DNMBP: variants seen among roughly 807,000 people sequenced by gnomAD.
The protein encoded by DNMBP is dynamin binding protein.
Under a neutral mutation model 150.0 loss-of-function variants are expected in DNMBP, and 87 were observed. The observed-to-expected ratio is 0.58, with a 90% confidence interval of 0.49 to 0.69. DNMBP has a LOEUF of 0.69. DNMBP is among the 30% of genes least tolerant of loss of function. The pLI, the probability that DNMBP is intolerant of heterozygous loss-of-function variation, is 0.00. For missense variants in DNMBP, 1,774 were observed against 1,949.0 expected (o/e 0.91, Z 1.69); for synonymous variants, 711 against 750.4 (o/e 0.95, Z 0.86).
Position 99,955,783 on chromosome 10 carries a change from G to A in DNMBP, c.1691C>T (p.Ala564Val), listed in dbSNP as rs780904934. 1 of 1,614,210 alleles carries A rather than the reference G, an allele frequency of 6.2e-7. No homozygotes were observed. The highest frequency in any genetic ancestry group is 2.2e-5 in the East Asian group (1 of 44,888). ...TTTATCTGGCTCTGTGCCGGGCCCT[G>A]CCAAGCTCTTCTCAAACTCGATCAG... is the stretch of plus-strand genomic sequence containing the variant. ...QQLIEFEKSLAGPGTEPDKIL... is the reference protein window; with the variant it reads ...QQLIEFEKSLVGPGTEPDKIL... Residue 564 changes from alanine (A) to valine (V), a missense_variant, in exon 4 of 17, where the codon GCA (alanine) becomes GTA (valine). Physicochemically the swap from Ala to Val is moderately conservative, Grantham distance 64 (BLOSUM62 0). Around this residue, in one of 2 missense-constraint regions of DNMBP, gnomAD observed 1,430 missense variants for 1,492.5 expected, o/e 0.96. Transcript: ENST00000324109.
intron 13 of DNMBP, among the ~76,000 whole-genome samples, chr10:99,886,091 T>C (rs905827265): frequency 2.0e-5 from 3 of 152,194 alleles, no homozygotes; most frequent in African/African-American, 7.2e-5. Flanking sequence ...GGCTGGCTCT[T>C]CTGGGAACTG....
chr10:100,007,542 A>C (rs967869129), intron 1 of DNMBP, among the ~76,000 whole-genome samples: 2 of 151,970 alleles, frequency 1.3e-5, no homozygotes, highest in Admixed American at 1.3e-4. Context: ...CAGACTCCTC[A>C]CACAATGCCC....
At chr10:99,890,104 G>A (rs1194880784) in intron 11 of DNMBP, among the ~76,000 whole-genome samples, 1 of 152,092 alleles carries the variant, frequency 6.6e-6, no homozygotes, top group Non-Finnish European at 1.5e-5. Flanking sequence ...ATTTATATCT[G>A]TATATATAAA....
chr10:99,900,592 T>C (rs1472429428), intron 6 of DNMBP, among the ~76,000 whole-genome samples: 1 of 151,896 alleles, frequency 6.6e-6, no homozygotes, highest in East Asian at 1.9e-4. Context: ...GCGTTCTCCA[T>C]GTAGGGATGT....
At chr10:99,915,152 T>C (rs1401214732) in intron 4 of DNMBP, among the ~76,000 whole-genome samples, 18 of 141,998 alleles carry the variant, frequency 1.3e-4, no homozygotes, top group Admixed American at 7.2e-4. Context: ...TATATATACA[T>C]ATATATACAC....
chr10:99,891,214 C>T (rs745772009), intron 11 of DNMBP, among the ~76,000 whole-genome samples: 10 of 148,078 alleles, frequency 6.8e-5, no homozygotes, highest in African/African-American at 2.0e-4. Context: ...TCTCTTTCCA[C>T]GGTCTCCCTC....
intron 8 of DNMBP, 120 bp downstream of exon 8, chr10:99,898,623 A>G: frequency 9.2e-7 from 1 of 1,090,434 alleles, no homozygotes; most frequent in Non-Finnish European, 1.4e-6. Context: ...AAGAAAACCC[A>G]GCAAGGTGAG....
At chr10:99,970,983 A>ATAAATAAAAAAAAAAAT (rs2040668971) in intron 2 of DNMBP, among the ~76,000 whole-genome samples, 2 of 147,356 alleles carry the variant, frequency 1.4e-5, no homozygotes, top group African/African-American at 5.0e-5. Context: ...AAAAAAAAAA[A>ATAAATAAAAAAAAAAAT]AAAAAAAAAA....
intron 16 of DNMBP, among the ~76,000 whole-genome samples, chr10:99,879,084 C>CA (rs71009780): frequency 0.012 from 759 of 62,302 alleles, 35 homozygotes; most frequent in African/African-American, 0.022. Context: ...GACTCTGTCT[C>CA]AAAAAAAAAA....
At chr10:99,892,232 C>T (rs1380552877) in intron 11 of DNMBP, among the ~76,000 whole-genome samples, 6 of 150,586 alleles carry the variant, frequency 4.0e-5, no homozygotes, top group South Asian at 2.2e-4. Context: ...CGCCTCTGCC[C>T]GGCCACCACC....
At position 99,915,128 on chromosome 10, in the gene DNMBP, T is replaced by TATATAC. The variant is rs1439020903; in HGVS notation, c.2261-5983_2261-5982insGTATAT. Among the ~76,000 whole-genome samples, 60 of 126,112 alleles carry TATATAC rather than the reference T, an allele frequency of 4.8e-4. 1 individual carries two copies. Among genetic ancestry groups the TATATAC allele is most frequent in the African/African-American group, 1.5e-3 (46 of 31,222 alleles). 82.7% of individuals were successfully genotyped at this position (126,112 alleles called of 152,430 possible). On this transcript the variant is annotated intron_variant, in intron 4 of 16. Coordinates refer to ENST00000324109, the MANE Select transcript of DNMBP (RefSeq NM_015221.4). ...AAAAAAATATATATATATATATATA[T>TATATAC]ACACACACACACATATATATACATA...
At chr10:99,951,224 G>A (rs907945254) in intron 4 of DNMBP, among the ~76,000 whole-genome samples, 4 of 152,214 alleles carry the variant, frequency 2.6e-5, no homozygotes. Flanking sequence ...CCTCTGCCTC[G>A]ATTTCAGAGG....
At chr10:99,899,817 TATGTTTAAAATAAG>T in intron 7 of DNMBP, 88 bp downstream of exon 7, 1 of 1,278,352 alleles carries the variant, frequency 7.8e-7, no homozygotes, top group Non-Finnish European at 1.1e-6. Context: ...ATGGATATCT[TATGTTTAAAATAAG>T]ATGTCATCAT....
At position 99,898,219 on chromosome 10, in the gene DNMBP, G is replaced by GT; in HGVS notation, c.2786dup (p.Tyr929Ter). The GT allele has an allele frequency of 6.2e-7, 1 of 1,614,000 alleles. No homozygotes were observed. Among genetic ancestry groups the GT allele is most frequent in the African/African-American group, 1.3e-5 (1 of 74,986 alleles). Residue 929 changes from tyrosine (Y) to a stop codon, truncating the protein, a stop_gained and frameshift_variant, in exon 9 of 17, where the codon TAC (tyrosine) becomes TAAC (stop). Transcript: ENST00000324109. LOFTEE classifies it high-confidence loss of function. The part of the protein sequence containing the change: ...LIKPVQRVMR[Y>*]PLLLMELLNS... The stretch of plus-strand genomic sequence containing the variant: ...TCAGCAACTCCATTAGCAACAGCGG[G>GT]TAACGCATTACTCTCTGTACTGGTT...
chr10:99,914,047 C>A, intron 4 of DNMBP: 1 of 1,484,970 alleles, frequency 6.7e-7, no homozygotes, highest in Non-Finnish European at 9.0e-7. Flanking sequence ...GCTCCACAAC[C>A]CCCCAAACTC....
chr10:99,951,812 CG>C (rs1564743218), intron 4 of DNMBP, among the ~76,000 whole-genome samples: 64 of 152,214 alleles, frequency 4.2e-4, no homozygotes, highest in African/African-American at 1.3e-3. Context: ...GATGAGACGT[CG>C]AACTGTGGAC....
rs753959444 is a variant in DNMBP, at chr10:99,880,252, G to A, written c.4107C>T (p.Ser1369=). 3 of 1,614,036 alleles carry A rather than the reference G, an allele frequency of 1.9e-6. No homozygotes were observed. In the African/African-American group the frequency reaches 4.0e-5, roughly 22 times the overall value. Residue 1369 remains serine, a synonymous_variant, in exon 16 of 17, where the codon AGC becomes AGT. Coordinates refer to ENST00000324109, the MANE Select transcript of DNMBP (RefSeq NM_015221.4). ...TCTGGCGTGGGAACCTGGGGGAGGA[G>A]CTGCCGTGCTCAGACTCTGTGGAGG... ...SHSSTESEHG[S]SSPRFPRQNS...
chr10:99,994,177 C>T (rs7900025), intron 1 of DNMBP, among the ~76,000 whole-genome samples: 47,944 of 152,066 alleles, frequency 0.32, 7,620 homozygotes, highest in Non-Finnish European at 0.33. Flanking sequence ...CAATTTCTGG[C>T]TCTGCCATTT....
At chr10:99,930,358 C>A (rs771706131) in intron 4 of DNMBP, 2 of 702,948 alleles carry the variant, frequency 2.8e-6, no homozygotes. Flanking sequence ...TAGCCATTTG[C>A]CTCCCCGTAT....
Sources: allele counts gnomAD v4.1 joint callset (sites outside exome capture counted in the v4.1 genomes callset), GRCh38; gene constraint gnomAD v4.1.1; regional missense constraint gnomAD v4.1.1; transcripts MANE v1.5; gene names NCBI Gene and HGNC (gene_info 2026-07-23, HGNC 2026-07-21).